The following DCDC1 variants were observed in gnomAD, a reference collection of about 807,000 sequenced individuals.
DCDC1 encodes doublecortin domain containing 1, also known as doublecortin domain-containing protein 1.
Under a neutral mutation model 178.3 loss-of-function variants are expected in DCDC1, and 200 were observed. The ratio of observed to expected loss-of-function variants is 1.12; its 90% CI spans 1.00 to 1.26. The LOEUF (loss-of-function observed/expected upper bound fraction) is 1.26, where lower values mean the gene tolerates loss of function less well. Ranked by LOEUF, DCDC1 falls within the 50% of genes most tolerant of loss-of-function variation. The pLI is 0.00. For missense variants in DCDC1, 1,983 were observed against 1,749.2 expected (o/e 1.13, Z -2.38); for synonymous variants, 690 against 604.8 (o/e 1.14, Z -2.07).
chr11:31,247,234 T>C (rs1565492496), intron 8 of DCDC1, among the ~76,000 whole-genome samples: 1 of 151,952 alleles, frequency 6.6e-6, no homozygotes, highest in Non-Finnish European at 1.5e-5. Context: ...AGGTATGAAA[T>C]CTTAGAAAGT....
chr11:30,901,929 A>T (rs139082853), intron 32 of DCDC1, among the ~76,000 whole-genome samples: 211 of 152,274 alleles, frequency 1.4e-3, no homozygotes, highest in Non-Finnish European at 2.4e-3. Flanking sequence ...TCAACCAGGC[A>T]TTGTTCTAAG....
intron 7 of DCDC1, among the ~76,000 whole-genome samples, chr11:31,281,770 G>A (rs570362405): frequency 3.4e-4 from 51 of 152,192 alleles, no homozygotes; most frequent in Admixed American, 2.6e-3. Flanking sequence ...CTTGGCTTTC[G>A]TTCTCCCTCT....
chr11:30,952,882 TA>T (rs1948517141), intron 20 of DCDC1, among the ~76,000 whole-genome samples: 1 of 152,082 alleles, frequency 6.6e-6, no homozygotes, highest in East Asian at 1.9e-4. Context: ...AATATTAACA[TA>T]AAAATTAAGC....
In DCDC1 at chr11:31,023,477, A is replaced by G. The variant is rs150940533; in HGVS notation, c.2591+40992T>C. 1.1e-4 allele frequency among the ~76,000 whole-genome samples: 16 copies of G among 152,208 alleles called. No homozygotes were observed. The East Asian group carries it at 2.9e-3, about 28-fold the overall frequency. Reference sequence around the variant, plus strand: ...GGAAGACACTTAGTAAGTGTAAGAAAAGTAAAAACAGAGGGAAGGGCAGAG... The same window carrying G: ...GGAAGACACTTAGTAAGTGTAAGAAGAGTAAAAACAGAGGGAAGGGCAGAG... On this transcript the variant is annotated intron_variant, in intron 20 of 38. Coordinates refer to ENST00000684477, the MANE Select transcript of DCDC1 (RefSeq NM_001387274.1).
At chr11:31,361,926 G>A (rs1951729874) in intron 1 of DCDC1, among the ~76,000 whole-genome samples, 1 of 152,184 alleles carries the variant, frequency 6.6e-6, no homozygotes. Context: ...CCTGAGGCAA[G>A]AAACTAGAAA....
chr11:31,310,929 G>A (rs1431807224), intron 3 of DCDC1, among the ~76,000 whole-genome samples: 1 of 152,128 alleles, frequency 6.6e-6, no homozygotes, highest in East Asian at 1.9e-4. Context: ...GGCTGTCAAG[G>A]ATACACTAGT....
At chr11:31,103,861 T>C (rs1958671698) in intron 13 of DCDC1, 92 bp from the exon 14 acceptor site, 1 of 673,328 alleles carries the variant, frequency 1.5e-6, no homozygotes, top group East Asian at 2.5e-5. Flanking sequence ...ACATTATCAT[T>C]GTCTAATAAA....
At position 31,051,089 on chromosome 11, in the gene DCDC1, C is replaced by A. The variant is rs767215965; in HGVS notation, c.2591+13380G>T. On this transcript the variant is annotated intron_variant, in intron 20 of 38. Transcript: ENST00000684477. The stretch of plus-strand genomic sequence containing the variant: ...CCAAGGAAATCCAAAAAATGATACA[C>A]GAAGTGAAGGGAGAAATATTCATGG... Among the ~76,000 whole-genome samples, 66 of 151,834 alleles carry A rather than the reference C, an allele frequency of 4.3e-4. 1 individual carries two copies. The highest frequency in any genetic ancestry group is 7.2e-4 in the Admixed American group (11 of 15,242).
At chr11:31,276,305 T>C (rs555419284) in intron 7 of DCDC1, among the ~76,000 whole-genome samples, 1 of 152,296 alleles carries the variant, frequency 6.6e-6, no homozygotes, top group South Asian at 2.1e-4. Context: ...GGAATAATTT[T>C]AGATGAAATT....
At chr11:30,967,083 C>T (rs1949476811) in intron 20 of DCDC1, among the ~76,000 whole-genome samples, 1 of 32,650 alleles carries the variant, frequency 3.1e-5, no homozygotes, top group African/African-American at 1.2e-4. Flanking sequence ...CTTGGCGATG[C>T]GGGCTCTTTT....
chr11:31,020,234 A>C lies in DCDC1; in HGVS notation c.2591+44235T>G, dbSNP rs147497808. ...TATCTGTACCATCAATAAATAAAACAGCTCTTCTGGTCAATTCTCCCAGCC... is the reference window on the plus strand; with the variant it reads ...TATCTGTACCATCAATAAATAAAACCGCTCTTCTGGTCAATTCTCCCAGCC... On this transcript the variant is annotated intron_variant, in intron 20 of 38. Transcript: ENST00000684477. Among the ~76,000 whole-genome samples the C allele has an allele frequency of 2.0e-3, 298 of 152,324 alleles. 1 individual carries two copies. The highest frequency in any genetic ancestry group is 6.9e-3 in the African/African-American group (286 of 41,584).
intron 20 of DCDC1, among the ~76,000 whole-genome samples, chr11:30,953,933 T>G: frequency 6.7e-6 from 1 of 149,842 alleles, no homozygotes; most frequent in Non-Finnish European, 1.5e-5. Context: ...AAAATTGAGC[T>G]AAATAGTTAA....
chr11:30,908,210 A>T (rs1945210073), intron 29 of DCDC1, among the ~76,000 whole-genome samples: 1 of 152,184 alleles, frequency 6.6e-6, no homozygotes, highest in South Asian at 2.1e-4. Flanking sequence ...ACCTATGAAG[A>T]TTCTGGCCCC....
chr11:31,327,685 C>T (rs1331452970), intron 3 of DCDC1, among the ~76,000 whole-genome samples: 4 of 152,156 alleles, frequency 2.6e-5, no homozygotes, highest in Non-Finnish European at 5.9e-5. Context: ...GCAACAACCT[C>T]CATAACTCAA....
At chr11:31,241,810 C>T (rs957593570) in intron 8 of DCDC1, 194 bp from the exon 9 acceptor site, 1 of 351,274 alleles carries the variant, frequency 2.8e-6, no homozygotes, top group Non-Finnish European at 5.1e-6. Flanking sequence ...GAGACACCCC[C>T]CATGCAAGAC....
At chr11:31,118,951 T>G (rs1383882007) in intron 11 of DCDC1, among the ~76,000 whole-genome samples, 2 of 152,168 alleles carry the variant, frequency 1.3e-5, no homozygotes, top group African/African-American at 4.8e-5. Flanking sequence ...TACGGAGATT[T>G]ACACCTGACT....
chr11:31,366,735 C>T (rs1265450635), intron 1 of DCDC1, among the ~76,000 whole-genome samples: 1 of 152,206 alleles, frequency 6.6e-6, no homozygotes, highest in South Asian at 2.1e-4. Flanking sequence ...AAGAAGAAGG[C>T]TTTAATCAGA....
intron 3 of DCDC1, among the ~76,000 whole-genome samples, chr11:31,311,828 T>C (rs1449465970): frequency 2.0e-5 from 3 of 152,192 alleles, no homozygotes. Context: ...TGGTACATTA[T>C]AAATTTCTGA....
intron 21 of DCDC1, among the ~76,000 whole-genome samples, chr11:30,951,887 C>G (rs963269590): frequency 1.3e-5 from 2 of 152,074 alleles, no homozygotes; most frequent in African/African-American, 2.4e-5. Context: ...ACAATTCACA[C>G]CTGTAATTGC....
Sources: gnomAD v4.1 joint callset for allele counts (sites outside exome capture counted in the v4.1 genomes callset) on GRCh38, gnomAD v4.1.1 for gene constraint, MANE v1.5 for transcripts, NCBI Gene and HGNC (gene_info 2026-07-23, HGNC 2026-07-21) for gene names.